The following SLC2A14 variants were observed in gnomAD, a reference collection of about 807,000 sequenced individuals.
SLC2A14 encodes the protein solute carrier family 2, facilitated glucose transporter member 14.
SLC2A14 carries 13 observed loss-of-function variants against 43.0 expected under a neutral mutation model. That is an observed-to-expected ratio of 0.30 (90% CI 0.20 to 0.48). The LOEUF is 0.48. Among genes scored for constraint, SLC2A14 ranks in the 20% least tolerant of loss-of-function variants. SLC2A14 has a pLI of 0.99. For synonymous variants in SLC2A14, 190 were observed against 233.8 expected, an observed-to-expected ratio of 0.81 and a Z score of 1.71; for missense variants, 428 against 620.4, an observed-to-expected ratio of 0.69 and a Z score of 3.29.
At chr12:7,885,781 G>C (rs1301204430) in intron 1 of SLC2A14, among the ~76,000 whole-genome samples, 1 of 151,996 alleles carries the variant, frequency 6.6e-6, no homozygotes, top group Non-Finnish European at 1.5e-5. Flanking sequence ...AGCCCAATAA[G>C]TGATGCTCAT....
intron 2 of SLC2A14, chr12:7,850,605 A>G (rs1866854071): frequency 6.6e-6 from 1 of 152,324 alleles, no homozygotes; most frequent in African/African-American, 2.4e-5. Flanking sequence ...CATGTTGGCC[A>G]GGATGGTCTC....
rs1056128482 is a variant in SLC2A14 at position 7,829,700 on chromosome 12, C to T, written c.513+66G>A. The T allele has an allele frequency of 9.4e-6, 15 of 1,589,940 alleles. No individual in the cohort carries two copies. In the African/African-American group the frequency reaches 1.8e-4, roughly 19 times the overall value. Reference sequence around the variant, plus strand: ...GTGCCAGATATTCTTCAGTGCTTTACCTATGTTAACTTTTTTAATGACCCA... The same window carrying T: ...GTGCCAGATATTCTTCAGTGCTTTATCTATGTTAACTTTTTTAATGACCCA... On this transcript the variant is annotated intron_variant, in intron 5 of 10. Transcript: ENST00000431042.
At chr12:7,840,828 G>C (rs747251094) in intron 2 of SLC2A14, among the ~76,000 whole-genome samples, 1 of 152,268 alleles carries the variant, frequency 6.6e-6, no homozygotes, top group Admixed American at 6.5e-5. Flanking sequence ...AAGAAAAAAA[G>C]GAGTCAAGAA....
At chr12:7,835,190 C>G (rs1565524988) in intron 2 of SLC2A14, among the ~76,000 whole-genome samples, 1 of 151,584 alleles carries the variant, frequency 6.6e-6, no homozygotes, top group Non-Finnish European at 1.5e-5. Context: ...TTTACACCTA[C>G]AGCCTGACCA....
chr12:7,849,044 G>A (rs1486988679), intron 2 of SLC2A14, among the ~76,000 whole-genome samples: 1 of 151,948 alleles, frequency 6.6e-6, no homozygotes, highest in African/African-American at 2.4e-5. Context: ...AGTAGAGACA[G>A]GGTTTTGCCA....
At chr12:7,837,931 T>C (rs1303660574) in intron 2 of SLC2A14, among the ~76,000 whole-genome samples, 1 of 149,972 alleles carries the variant, frequency 6.7e-6, no homozygotes, top group Admixed American at 6.6e-5. Context: ...TTAATTGTTG[T>C]GTTTTTAGTA....
At chr12:7,854,950 C>T (rs949947620) in intron 2 of SLC2A14, among the ~76,000 whole-genome samples, 168 of 152,118 alleles carry the variant, frequency 1.1e-3, no homozygotes, top group African/African-American at 3.7e-3. Flanking sequence ...GCTGGGATAA[C>T]GGGTGTCTGC....
At chr12:7,846,430 T>C (rs944030975) in intron 2 of SLC2A14, among the ~76,000 whole-genome samples, 26 of 152,144 alleles carry the variant, frequency 1.7e-4, no homozygotes, top group Non-Finnish European at 3.1e-4. Flanking sequence ...TTTATCCTTA[T>C]TAAATCTCTT....
At chr12:7,836,966 A>G (rs933530946) in intron 2 of SLC2A14, among the ~76,000 whole-genome samples, 1 of 152,044 alleles carries the variant, frequency 6.6e-6, no homozygotes, top group Admixed American at 6.6e-5. Context: ...CAGGAGTTCA[A>G]GACCAGCCGG....
chr12:7,847,106 A>G (rs78599136), intron 2 of SLC2A14, among the ~76,000 whole-genome samples: 3 of 151,834 alleles, frequency 2.0e-5, no homozygotes, highest in Non-Finnish European at 2.9e-5. Flanking sequence ...TACAAAATTA[A>G]CCAAGTGTGG....
At chr12:7,865,517 G>C (rs2121029397) in intron 2 of SLC2A14, among the ~76,000 whole-genome samples, 2 of 151,246 alleles carry the variant, frequency 1.3e-5, no homozygotes, top group South Asian at 4.2e-4. Flanking sequence ...AGCCTGGGCG[G>C]CAGAGTGAGA....
Position 7,855,887 on chromosome 12 carries a change from A to C in SLC2A14, c.18+13976T>G, listed in dbSNP as rs184053361. 7.0e-3 allele frequency among the ~76,000 whole-genome samples: 1,058 copies of C among 152,030 alleles called. 7 individuals are homozygous for C. Among genetic ancestry groups the C allele is most frequent in the African/African-American group, 0.025 (1,019 of 41,474 alleles). On this transcript the variant is annotated intron_variant, in intron 2 of 10. Transcript: ENST00000431042. ...CCTGACCTCGTGATCTGCCCGCCTC[A>C]GCCTCCCAAAGTGCTGGGATTACAG...
At chr12:7,828,535 T>A (rs1387740992) in intron 6 of SLC2A14, among the ~76,000 whole-genome samples, 169 bp downstream of exon 6, 1 of 151,952 alleles carries the variant, frequency 6.6e-6, no homozygotes, top group African/African-American at 2.4e-5. Context: ...GGCAACAGCA[T>A]GAGATTCTGT....
intron 2 of SLC2A14, among the ~76,000 whole-genome samples, chr12:7,857,172 C>T (rs975216857): frequency 6.6e-6 from 1 of 152,038 alleles, no homozygotes; most frequent in African/African-American, 2.4e-5. Context: ...ATCGCTCAAA[C>T]CCAGGAGGTG....
intron 3 of SLC2A14, among the ~76,000 whole-genome samples, chr12:7,831,974 G>A (rs1865071294): frequency 6.6e-6 from 1 of 152,240 alleles, no homozygotes; most frequent in Admixed American, 6.5e-5. Flanking sequence ...CAGTTGTGGT[G>A]GCGCATGCCT....
At chr12:7,853,866 T>C (rs922971919) in intron 2 of SLC2A14, among the ~76,000 whole-genome samples, 2 of 152,164 alleles carry the variant, frequency 1.3e-5, no homozygotes, top group Non-Finnish European at 2.9e-5. Context: ...TCTTCCAATA[T>C]TGAATGTGCT....
intron 5 of SLC2A14, among the ~76,000 whole-genome samples, chr12:7,829,562 A>G (rs28735741): frequency 0.26 from 39,788 of 151,832 alleles, 5,536 homozygotes; most frequent in East Asian, 0.47. Flanking sequence ...CTCAAAAAAA[A>G]AAAAAGAAAA....
intron 4 of SLC2A14, among the ~76,000 whole-genome samples, chr12:7,830,211 G>T (rs1440529494): frequency 1.3e-5 from 2 of 150,606 alleles, no homozygotes; most frequent in African/African-American, 4.9e-5. Context: ...GGAGTGCAGT[G>T]GCGCGATCTC....
chr12:7,851,888 A>G (rs778229532), intron 2 of SLC2A14, among the ~76,000 whole-genome samples: 1 of 152,302 alleles, frequency 6.6e-6, no homozygotes, highest in South Asian at 2.1e-4. Flanking sequence ...AAAGATTCCA[A>G]TGTCCCCACG....
Sources: allele counts gnomAD v4.1 joint callset (sites outside exome capture counted in the v4.1 genomes callset), GRCh38; gene constraint gnomAD v4.1.1; transcripts MANE v1.5; gene names NCBI Gene and HGNC (gene_info 2026-07-23, HGNC 2026-07-21).